SLC8A1: variants seen among roughly 807,000 people sequenced by gnomAD.
SLC8A1 encodes the protein solute carrier family 8 member A1, also known as sodium/calcium exchanger 1.
In SLC8A1, 18 loss-of-function variants were observed where a neutral mutation model predicts 68.3. That is an observed-to-expected ratio of 0.26 (90% CI 0.18 to 0.39). SLC8A1 has a LOEUF of 0.39. Among genes scored for constraint, SLC8A1 ranks in the 10% least tolerant of loss-of-function variants. The pLI, the probability that SLC8A1 is intolerant of heterozygous loss-of-function variation, is 1.00. For synonymous variants in SLC8A1, 475 were observed against 415.5 expected, an observed-to-expected ratio of 1.14 and a Z score of -1.74; for missense variants, 985 against 1,156.7, an observed-to-expected ratio of 0.85 and a Z score of 2.15.
intron 1 of SLC8A1, among the ~76,000 whole-genome samples, chr2:40,511,422 A>G (rs1442165567): frequency 1.3e-5 from 2 of 152,204 alleles, no homozygotes; most frequent in African/African-American, 2.4e-5. Context: ...TTTAATAACT[A>G]CAATTTGGTA....
Position 40,117,830 on chromosome 2 carries a change from T to A in SLC8A1, c.2438-2201A>T, listed in dbSNP as rs79822524. Among the ~76,000 whole-genome samples the A allele has an allele frequency of 5.0e-3, 758 of 152,216 alleles. 5 individuals carry two copies. The highest frequency in any genetic ancestry group is 7.8e-3 in the Non-Finnish European group (527 of 67,996). ...CCATCCTTCCTCCGTAAACTTCCAGTGGGGAAGATATGTACAGCATGTAAA... is the reference window on the plus strand; with the variant it reads ...CCATCCTTCCTCCGTAAACTTCCAGAGGGGAAGATATGTACAGCATGTAAA... On this transcript the variant is annotated intron_variant, in intron 7 of 7. Transcript: ENST00000406785.
intron 2 of SLC8A1, among the ~76,000 whole-genome samples, chr2:40,299,588 T>A (rs72939236): frequency 1.3e-5 from 2 of 152,102 alleles, no homozygotes; most frequent in Non-Finnish European, 2.9e-5. Flanking sequence ...GCAGAGGTGA[T>A]GTGCAAACAT....
At chr2:40,510,191 A>C (rs1706629672) in intron 1 of SLC8A1, among the ~76,000 whole-genome samples, 1 of 152,160 alleles carries the variant, frequency 6.6e-6, no homozygotes. Context: ...TTTTCCTCTC[A>C]AAATATGATT....
At chr2:40,249,603 A>G (rs1168433540) in intron 2 of SLC8A1, among the ~76,000 whole-genome samples, 3 of 151,754 alleles carry the variant, frequency 2.0e-5, no homozygotes, top group African/African-American at 4.9e-5. Context: ...TGATTCCTCT[A>G]AAAATATTCA....
In SLC8A1 at chr2:40,143,953, C is replaced by T. The variant is rs78978425; in HGVS notation, c.2162-4277G>A. On this transcript the variant is annotated intron_variant, in intron 6 of 7. Coordinates refer to ENST00000406785, the Ensembl canonical transcript of SLC8A1. Reference sequence around the variant, plus strand: ...TTTTGGGGCAAGACACTTAAATTTCCCAAGCCTCAGTTGCTCACCTGTCAA... The same window carrying T: ...TTTTGGGGCAAGACACTTAAATTTCTCAAGCCTCAGTTGCTCACCTGTCAA... Among the ~76,000 whole-genome samples the T allele has an allele frequency of 2.0e-3, 309 of 152,196 alleles. 2 individuals carry two copies. Among genetic ancestry groups the T allele is most frequent in the African/African-American group, 7.1e-3 (295 of 41,546 alleles).
intron 1 of SLC8A1, among the ~76,000 whole-genome samples, chr2:40,446,108 C>A (rs995540138): frequency 1.3e-5 from 2 of 152,104 alleles, no homozygotes; most frequent in African/African-American, 4.8e-5. Flanking sequence ...ACCAGCATAA[C>A]CATTTGGTGC....
chr2:40,112,463 C>G (rs5555), exon 8 of SLC8A1: 3,699 of 151,318 alleles, frequency 0.024, 54 homozygotes, highest in Non-Finnish European at 0.04. Context: ...AGCAAACAAA[C>G]CAAAAAGCTT....
rs1392489268 is a variant in SLC8A1, at chr2:40,235,476, T to G, written c.1809-57621A>C. 7.9e-5 allele frequency among the ~76,000 whole-genome samples: 12 copies of G among 152,308 alleles called. No homozygotes were observed. The South Asian group carries it at 1.0e-3, about 13-fold the overall frequency. ...TTTATCATTTTTTATTGCGTCTATT[T>G]GAGTCTTCTCTCTTTTTTTCTTTAT... On this transcript the variant is annotated intron_variant, in intron 2 of 7. Coordinates refer to ENST00000406785, the Ensembl canonical transcript of SLC8A1.
intron 2 of SLC8A1, among the ~76,000 whole-genome samples, chr2:40,253,545 G>T (rs140542568): frequency 4.4e-4 from 67 of 152,138 alleles, no homozygotes; most frequent in Non-Finnish European, 2.6e-4. Context: ...AGGCTAAAGG[G>T]CCTGGCGCGG....
At chr2:40,207,410 T>G (rs1183564094) in intron 2 of SLC8A1, among the ~76,000 whole-genome samples, 1 of 152,074 alleles carries the variant, frequency 6.6e-6, no homozygotes, top group Non-Finnish European at 1.5e-5. Flanking sequence ...TTGGATGGTC[T>G]TATCTATAAC....
At chr2:40,341,267 G>A (rs62150835) in intron 2 of SLC8A1, among the ~76,000 whole-genome samples, 2 of 152,156 alleles carry the variant, frequency 1.3e-5, no homozygotes, top group Non-Finnish European at 2.9e-5. Context: ...GAGCACTAAT[G>A]AGTATTTTCA....
chr2:40,355,032 T>C (rs927678381), intron 2 of SLC8A1, among the ~76,000 whole-genome samples: 3 of 152,162 alleles, frequency 2.0e-5, no homozygotes, highest in Middle Eastern at 3.2e-3. Context: ...AATTGTTCTG[T>C]TCTCAAATAC....
At chr2:40,389,900 G>A (rs1441945038) in intron 2 of SLC8A1, among the ~76,000 whole-genome samples, 1 of 150,422 alleles carries the variant, frequency 6.6e-6, no homozygotes, top group Admixed American at 6.7e-5. Context: ...AATCACCAAA[G>A]CTAATAAAAT....
At chr2:40,289,273 A>AT in intron 2 of SLC8A1, among the ~76,000 whole-genome samples, 1 of 152,146 alleles carries the variant, frequency 6.6e-6, no homozygotes, top group Non-Finnish European at 1.5e-5. Context: ...AATATTGTTA[A>AT]ACTATTTGTA....
At chr2:40,232,597 TG>T (rs1394362010) in intron 2 of SLC8A1, among the ~76,000 whole-genome samples, 1 of 110,856 alleles carries the variant, frequency 9.0e-6, no homozygotes, top group Non-Finnish European at 2.3e-5. Flanking sequence ...CTTTGTATTC[TG>T]TTTTTTTTTT....
intron 1 of SLC8A1, among the ~76,000 whole-genome samples, chr2:40,500,548 A>G (rs1306579695): frequency 1.3e-5 from 2 of 152,040 alleles, no homozygotes; most frequent in South Asian, 2.1e-4. Context: ...TATAAATCTA[A>G]TATTTGGGGA....
intron 7 of SLC8A1, among the ~76,000 whole-genome samples, chr2:40,128,174 T>C (rs571397408): frequency 3.1e-4 from 47 of 152,340 alleles, no homozygotes; most frequent in Non-Finnish European, 6.2e-4. Context: ...ATATTAAAAT[T>C]TTTTATGGCC....
chr2:40,443,438 G>T (rs769790964), intron 1 of SLC8A1, among the ~76,000 whole-genome samples: 2 of 152,146 alleles, frequency 1.3e-5, no homozygotes, highest in South Asian at 2.1e-4. Flanking sequence ...CCAGCCAAAA[G>T]GTTGTTGAAT....
chr2:40,386,669 T>C (rs1683654243), intron 2 of SLC8A1, among the ~76,000 whole-genome samples: 1 of 150,446 alleles, frequency 6.6e-6, no homozygotes, highest in African/African-American at 2.5e-5. Context: ...TCCAAGTATA[T>C]TATTAATAAA....
Sources: gnomAD v4.1 joint callset for allele counts (sites outside exome capture counted in the v4.1 genomes callset) on GRCh38, gnomAD v4.1.1 for gene constraint, MANE v1.5 for transcripts, NCBI Gene and HGNC (gene_info 2026-07-23, HGNC 2026-07-21) for gene names.